The following APOOL variants were observed in gnomAD, a reference collection of about 807,000 sequenced individuals.
The protein encoded by APOOL is apolipoprotein O like.
APOOL carries 12 observed loss-of-function variants against 23.1 expected under a neutral mutation model. That is an observed-to-expected ratio of 0.52 (90% CI 0.33 to 0.84). The LOEUF (loss-of-function observed/expected upper bound fraction) is 0.84, where lower values mean the gene tolerates loss of function less well. APOOL is among the 40% of genes least tolerant of loss of function. APOOL has a pLI of 0.02. For missense variants in APOOL, 212 were observed against 199.6 expected, an observed-to-expected ratio of 1.06 and a Z score of -0.37; for synonymous variants, 77 against 69.9, an observed-to-expected ratio of 1.10 and a Z score of -0.51.
intron 8 of APOOL, 96 bp downstream of exon 8, chrX:85,074,487 A>G: frequency 1.0e-6 from 1 of 993,497 alleles, no homozygotes; most frequent in East Asian, 3.3e-5. Flanking sequence ...TGTTCTCCCC[A>G]TAAATATTTT....
rs1924394745 is a variant in APOOL at position 85,088,103 on chromosome X, T to TATGTATAAATACGTA, written c.*425_*426insATGTATAAATACGTA. 8 of 23,251 alleles carry TATGTATAAATACGTA rather than the reference T, an allele frequency of 3.4e-4. No homozygotes were observed. The highest frequency in any genetic ancestry group is 1.2e-3 in the East Asian group (1 of 822). The allele number at this position is 23,251 out of a possible 1,213,427, so 1.9% of individuals were successfully genotyped here. ...ATATATGTATAAATACATATACATA[T>TATGTATAAATACGTA]TTATACATATATGTATAAATACATA... On this transcript the variant is annotated 3_prime_UTR_variant, in exon 9 of 9. Coordinates refer to ENST00000373173, the MANE Select transcript of APOOL (RefSeq NM_198450.6).
intron 5 of APOOL, among the ~76,000 whole-genome samples, chrX:85,058,105 A>G (rs1041700026): frequency 9.0e-6 from 1 of 111,184 alleles, no homozygotes; most frequent in Non-Finnish European, 1.9e-5. Flanking sequence ...GTACATGTAC[A>G]GCATGTTTAG....
chrX:85,015,609 C>T (rs1921443002), intron 1 of APOOL, among the ~76,000 whole-genome samples: 1 of 106,980 alleles, frequency 9.3e-6, no homozygotes, highest in Non-Finnish European at 1.9e-5. Flanking sequence ...ACTCTTGTGG[C>T]CCAGGCTGGA....
At chrX:85,031,579 G>A (rs1451324209) in intron 1 of APOOL, among the ~76,000 whole-genome samples, 1 of 111,542 alleles carries the variant, frequency 9.0e-6, no homozygotes, top group Non-Finnish European at 1.9e-5. Context: ...TTCAGTGAAG[G>A]GCAGGGTTTT....
chrX:85,032,920 C>T (rs1398182945), intron 1 of APOOL, among the ~76,000 whole-genome samples: 1 of 111,639 alleles, frequency 9.0e-6, no homozygotes, highest in East Asian at 2.8e-4. Flanking sequence ...CAGTTGAACC[C>T]TTTCTTCGTA....
chrX:85,015,864 G>A (rs746139005), intron 1 of APOOL, among the ~76,000 whole-genome samples: 9 of 111,224 alleles, frequency 8.1e-5, no homozygotes, highest in East Asian at 2.8e-4. Flanking sequence ...CACCATGCCC[G>A]GCCCAGACTT....
intron 1 of APOOL, among the ~76,000 whole-genome samples, chrX:85,029,642 A>G (rs2147481949): frequency 8.9e-6 from 1 of 111,808 alleles, no homozygotes; most frequent in East Asian, 2.8e-4. Context: ...TAGTATTATC[A>G]AACAGAATCT....
Position 85,021,844 on chromosome X carries a change from G to C in APOOL, c.15+17917G>C, listed in dbSNP as rs916451603. Reference sequence around the variant, plus strand: ...TTGATTTTTGCGAAAAGATAACATAGATAAACCTTTAGCTAGACTCAGTTC... The same window carrying C: ...TTGATTTTTGCGAAAAGATAACATACATAAACCTTTAGCTAGACTCAGTTC... On this transcript the variant is annotated intron_variant, in intron 1 of 8. Transcript: ENST00000373173. 2.8e-4 allele frequency among the ~76,000 whole-genome samples: 31 copies of C among 111,697 alleles called. No homozygotes were observed. In the Admixed American group the frequency reaches 2.8e-3, roughly 10 times the overall value.
chrX:85,069,435 C>T (rs751765630), intron 6 of APOOL, among the ~76,000 whole-genome samples: 1 of 108,572 alleles, frequency 9.2e-6, no homozygotes, highest in Non-Finnish European at 1.9e-5. Context: ...TGTGTTGAAA[C>T]CCCGTCTCTA....
At chrX:85,078,343 G>A (rs939007078) in intron 8 of APOOL, among the ~76,000 whole-genome samples, 3 of 111,632 alleles carry the variant, frequency 2.7e-5, no homozygotes, top group Non-Finnish European at 3.8e-5. Context: ...TTATTAAATA[G>A]GGAATCCTTT....
chrX:85,067,218 G>A lies in APOOL; in HGVS notation c.486G>A (p.Lys162=). 2 of 1,116,210 alleles carry A rather than the reference G, an allele frequency of 1.8e-6. No individual in the cohort carries two copies. Among genetic ancestry groups the A allele is most frequent in the Non-Finnish European group, 2.4e-6 (2 of 834,291 alleles). 92.0% of individuals were successfully genotyped at this position (1,116,210 alleles called of 1,213,427 possible). A position where few individuals can be genotyped will look rare whatever the true frequency, so the allele number is the denominator to read the frequency against. The change falls in exon 6 of 9, where the codon AAG becomes AAA. Residue 162 remains lysine (K), a splice_region_variant and synonymous_variant. Transcript: ENST00000373173. ...CYPVQSVIIA[K]VTAKKVYATS... ...CAGTTCAGTCCGTAATAATTGCTAA[G>A]GTAAGTTCTTTTTAAATAATAGCAA...
intron 1 of APOOL, among the ~76,000 whole-genome samples, chrX:85,021,760 G>A (rs1385039838): frequency 8.9e-6 from 1 of 111,766 alleles, no homozygotes; most frequent in Non-Finnish European, 1.9e-5. Flanking sequence ...AAAGATCAGA[G>A]CACAAATAAA....
Position 85,046,401 on chromosome X carries a change from G to A in APOOL, c.16-45G>A, listed in dbSNP as rs1479511861. ...AGTATTTATTAGGAAATGGAAGATG[G>A]AAAGCTTTTCAACTAAAAAGATGTT... On this transcript the variant is annotated intron_variant, in intron 1 of 8. Coordinates refer to ENST00000373173, the MANE Select transcript of APOOL (RefSeq NM_198450.6). 7 of 1,057,209 alleles carry A rather than the reference G, an allele frequency of 6.6e-6. No homozygotes were observed. In the South Asian group the frequency reaches 1.5e-4, roughly 22 times the overall value. 87.1% of individuals were successfully genotyped at this position (1,057,209 alleles called of 1,213,427 possible).
At chrX:85,074,660 A>T (rs1027298347) in intron 8 of APOOL, among the ~76,000 whole-genome samples, 5 of 110,063 alleles carry the variant, frequency 4.5e-5, no homozygotes, top group Non-Finnish European at 9.5e-5. Flanking sequence ...ATATAACTTT[A>T]TAAATTTGAG....
Position 85,074,111 on chromosome X carries a change from G to A in APOOL, c.600G>A (p.Lys200=), listed in dbSNP as rs1046490936. Residue 200 remains lysine, a splice_region_variant and synonymous_variant, in exon 7 of 9, where the codon AAG becomes AAA. Coordinates refer to ENST00000373173, the MANE Select transcript of APOOL (RefSeq NM_198450.6). ...TCCCTAAACCTAAAGAAAAAACTAA[G>A]GTAGAGTTTACATGGAGCAAGACGG... The part of the protein sequence containing the change: ...ESLPKPKEKT[K]LGSSSEIEVP... 1.1e-5 allele frequency: 13 copies of A among 1,157,925 alleles called. No individual in the cohort carries two copies. Among genetic ancestry groups the A allele is most frequent in the Non-Finnish European group, 1.5e-5 (13 of 867,596 alleles).
chrX:85,027,425 A>G (rs772429148), intron 1 of APOOL, among the ~76,000 whole-genome samples: 1 of 111,255 alleles, frequency 9.0e-6, no homozygotes, highest in Non-Finnish European at 1.9e-5. Flanking sequence ...TTTAGATAAT[A>G]TATTGGAGCA....
intron 8 of APOOL, among the ~76,000 whole-genome samples, chrX:85,085,557 A>C (rs929894948): frequency 8.9e-6 from 1 of 112,271 alleles, no homozygotes; most frequent in Non-Finnish European, 1.9e-5. Flanking sequence ...GGTATAAGAT[A>C]AATCATTGTA....
Position 85,092,648 on chromosome X carries a change from T to A in APOOL, c.*4970T>A. 1 of 838,005 alleles carries A rather than the reference T, an allele frequency of 1.2e-6. No homozygotes were observed. The highest frequency in any genetic ancestry group is 1.7e-6 in the Non-Finnish European group (1 of 601,329). 69.1% of individuals were successfully genotyped at this position (838,005 alleles called of 1,213,427 possible). A position where few individuals can be genotyped will look rare whatever the true frequency, so the allele number is the denominator to read the frequency against. The stretch of plus-strand genomic sequence containing the variant: ...TATATTTTATTGAAGGTCTACTCTA[T>A]GCAAGACACTATGTGTGAATAATAC... On this transcript the variant is annotated 3_prime_UTR_variant, in exon 9 of 9. Transcript: ENST00000373173.
At chrX:85,065,585 G>C (rs1923428815) in intron 5 of APOOL, among the ~76,000 whole-genome samples, 1 of 111,125 alleles carries the variant, frequency 9.0e-6, no homozygotes, top group South Asian at 3.9e-4. Context: ...GTATTTGCTT[G>C]TCAGGATGCA....
Sources: allele counts gnomAD v4.1 joint callset (sites outside exome capture counted in the v4.1 genomes callset), GRCh38; gene constraint gnomAD v4.1.1; transcripts MANE v1.5; gene names NCBI Gene and HGNC (gene_info 2026-07-23, HGNC 2026-07-21).